ADAMTS2: variants seen among roughly 807,000 people sequenced by gnomAD.
The protein encoded by ADAMTS2 is A disintegrin and metalloproteinase with thrombospondin motifs 2.
A neutral mutation model predicts 123.0 loss-of-function variants in ADAMTS2; 50 were observed. The observed-to-expected ratio is 0.41, with a 90% confidence interval of 0.32 to 0.51. ADAMTS2 has a LOEUF of 0.51. Among genes scored for constraint, ADAMTS2 ranks in the 20% least tolerant of loss-of-function variants. The probability of loss-of-function intolerance (pLI) is 0.35; values close to 1 mark genes in which losing one functional copy is unlikely to be tolerated. For missense variants in ADAMTS2, 1,494 were observed against 1,705.2 expected (o/e 0.88, Z 2.18); for synonymous variants, 678 against 695.4 (o/e 0.98, Z 0.39).
chr5:179,302,244 G>A (rs965419828), intron 2 of ADAMTS2, among the ~76,000 whole-genome samples: 1 of 152,012 alleles, frequency 6.6e-6, no homozygotes. Context: ...GGCGGATCAT[G>A]AGGTCAGGAG....
intron 17 of ADAMTS2, 84 bp downstream of exon 17, chr5:179,127,875 C>T (rs1245253541): frequency 1.6e-5 from 26 of 1,583,426 alleles, no homozygotes; most frequent in South Asian, 1.2e-4. Flanking sequence ...CCCCTGCTCA[C>T]GCTGGCCCCA....
intron 5 of ADAMTS2, among the ~76,000 whole-genome samples, chr5:179,177,634 T>G (rs1290514264): frequency 6.6e-6 from 1 of 152,180 alleles, no homozygotes; most frequent in East Asian, 1.9e-4. Flanking sequence ...AATCCTCAAT[T>G]TCCCCAGGAT....
chr5:179,187,209 T>C (rs542483727), intron 4 of ADAMTS2, among the ~76,000 whole-genome samples: 1 of 152,198 alleles, frequency 6.6e-6, no homozygotes, highest in African/African-American at 2.4e-5. Context: ...AAAAAATATA[T>C]CTCAAAGGAA....
intron 2 of ADAMTS2, among the ~76,000 whole-genome samples, chr5:179,310,559 G>A (rs992668112): frequency 3.3e-5 from 5 of 152,128 alleles, no homozygotes; most frequent in Non-Finnish European, 5.9e-5. Flanking sequence ...CTAGAATCCC[G>A]GCTGGGGTGA....
In ADAMTS2 at chr5:179,312,543, C is replaced by T. The variant is rs10078515; in HGVS notation, c.534+31224G>A. Among the ~76,000 whole-genome samples the T allele has an allele frequency of 0.025, 3,815 of 152,234 alleles. 152 individuals carry two copies. Among genetic ancestry groups the T allele is most frequent in the African/African-American group, 0.088 (3,657 of 41,536 alleles). On this transcript the variant is annotated intron_variant, in intron 2 of 21. Transcript: ENST00000251582. This position sits in a 1 kb window ranked among gnomAD's most constrained non-coding sequence, Gnocchi z 4.2. ...AAGCTTCCGATGCTTTTAAGCCGCT[C>T]CGTTTATGGTATTTGGCTATAGCAG...
chr5:179,320,262 C>T (rs775307505), intron 2 of ADAMTS2, among the ~76,000 whole-genome samples: 16 of 152,242 alleles, frequency 1.1e-4, no homozygotes, highest in Non-Finnish European at 2.1e-4. Flanking sequence ...TGGCCCCAGC[C>T]ACTTCCTTGG....
At chr5:179,233,065 G>A (rs1403484206) in intron 3 of ADAMTS2, among the ~76,000 whole-genome samples, 1 of 152,194 alleles carries the variant, frequency 6.6e-6, no homozygotes, top group Non-Finnish European at 1.5e-5. Flanking sequence ...GTTAAAGGCT[G>A]CTGACAAATA....
intron 21 of ADAMTS2, among the ~76,000 whole-genome samples, chr5:179,119,315 C>A (rs1363541716): frequency 1.3e-5 from 2 of 152,236 alleles, no homozygotes; most frequent in Non-Finnish European, 2.9e-5. Flanking sequence ...AGGCTAGCCC[C>A]CGGGCCCGGC....
chr5:179,232,071 T>C (rs1765423132), intron 3 of ADAMTS2, among the ~76,000 whole-genome samples: 1 of 152,222 alleles, frequency 6.6e-6, no homozygotes, highest in Non-Finnish European at 1.5e-5. Flanking sequence ...CAATTTTACA[T>C]TATGAAATAG....
Position 179,189,531 on chromosome 5 carries a change from T to C in ADAMTS2, c.892-8376A>G, listed in dbSNP as rs1764254751. ...CCTGGTTTTTTTTTTTTTTTTTTTT[T>C]TTTTTTTAGTAGAGGCAGGGTTTCA... On this transcript the variant is annotated intron_variant, in intron 4 of 21. Transcript: ENST00000251582. The surrounding 1 kb of genome is among the most constrained non-coding windows in gnomAD (Gnocchi z 4.2). 7.0e-6 allele frequency among the ~76,000 whole-genome samples: 1 copy of C among 142,396 alleles called. No homozygotes were observed. Among genetic ancestry groups the C allele is most frequent in the Admixed American group, 7.0e-5 (1 of 14,318 alleles). 93.4% of individuals were successfully genotyped at this position (142,396 alleles called of 152,430 possible).
rs1757923913 is a variant in ADAMTS2, at chr5:179,345,367, G to T, written c.-39C>A. ...CAGCCGGGGCCCCGCACTCGCAGCCGGCGCGAAAGTTCCCCGCGAGCCGCC... is the reference window on the plus strand; with the variant it reads ...CAGCCGGGGCCCCGCACTCGCAGCCTGCGCGAAAGTTCCCCGCGAGCCGCC... On this transcript the variant is annotated 5_prime_UTR_variant, in exon 1 of 22. Coordinates refer to ENST00000251582, the MANE Select transcript of ADAMTS2 (RefSeq NM_014244.5). This position sits in a 1 kb window ranked among gnomAD's most constrained non-coding sequence, Gnocchi z 7.5. 1 of 1,122,074 alleles carries T rather than the reference G, an allele frequency of 8.9e-7. No individual in the cohort carries two copies. Among genetic ancestry groups the T allele is most frequent in the Non-Finnish European group, 1.1e-6 (1 of 917,566 alleles). The allele number at this position is 1,122,074 out of a possible 1,614,324, so 69.5% of individuals were successfully genotyped here. A position where few individuals can be genotyped will look rare whatever the true frequency, so the allele number is the denominator to read the frequency against.
chr5:179,237,819 C>A (rs75029825), intron 3 of ADAMTS2, among the ~76,000 whole-genome samples: 1 of 152,070 alleles, frequency 6.6e-6, no homozygotes, highest in Non-Finnish European at 1.5e-5. Flanking sequence ...CTGGATTCAC[C>A]AGGACACAAA....
At position 179,115,682 on chromosome 5, in the gene ADAMTS2, G is replaced by A. The variant is rs1350224323; in HGVS notation, c.3179-1358C>T. ...GAAAGGGAGGGAGGGACAAAAGGAA[G>A]AAAGGGAGGAGGAAAGGGAGGGAGA... On this transcript the variant is annotated intron_variant, in intron 21 of 21. Coordinates refer to ENST00000251582, the MANE Select transcript of ADAMTS2 (RefSeq NM_014244.5). This position sits in a 1 kb window ranked among gnomAD's most constrained non-coding sequence, Gnocchi z 4.4. Among the ~76,000 whole-genome samples, 1 of 152,084 alleles carries A rather than the reference G, an allele frequency of 6.6e-6. No individual in the cohort carries two copies. The highest frequency in any genetic ancestry group is 1.5e-5 in the Non-Finnish European group (1 of 68,008).
intron 2 of ADAMTS2, among the ~76,000 whole-genome samples, chr5:179,296,809 C>T (rs1441365014): frequency 6.6e-6 from 1 of 151,616 alleles, no homozygotes; most frequent in Non-Finnish European, 1.5e-5. Context: ...AGGTGCAGGC[C>T]GAAAAAAGGA....
chr5:179,154,656 G>C (rs752032247), intron 7 of ADAMTS2, among the ~76,000 whole-genome samples, 158 bp downstream of exon 7: 1 of 152,208 alleles, frequency 6.6e-6, no homozygotes, highest in Non-Finnish European at 1.5e-5. Flanking sequence ...AGTGGGCCTC[G>C]GGCCAGCACT....
intron 2 of ADAMTS2, among the ~76,000 whole-genome samples, chr5:179,324,732 T>C (rs1581276794): frequency 6.6e-6 from 1 of 152,344 alleles, no homozygotes; most frequent in Non-Finnish European, 1.5e-5. Flanking sequence ...TTGTATTTTG[T>C]AGTGTACACT....
At chr5:179,229,507 G>C (rs1000661184) in intron 3 of ADAMTS2, among the ~76,000 whole-genome samples, 1 of 151,588 alleles carries the variant, frequency 6.6e-6, no homozygotes, top group East Asian at 1.9e-4. Flanking sequence ...CATTCCCGAC[G>C]GAGAGGTAAT....
At chr5:179,167,486 C>G (rs1378933526) in intron 5 of ADAMTS2, among the ~76,000 whole-genome samples, 2 of 152,196 alleles carry the variant, frequency 1.3e-5, no homozygotes, top group Non-Finnish European at 2.9e-5. Context: ...CTGGAAGGAG[C>G]TGAATTATCT....
rs1211155923 is a variant in ADAMTS2 at position 179,170,975 on chromosome 5, A to C, written c.975+10097T>G. On this transcript the variant is annotated intron_variant, in intron 5 of 21. Coordinates refer to ENST00000251582, the MANE Select transcript of ADAMTS2 (RefSeq NM_014244.5). This position sits in a 1 kb window ranked among gnomAD's most constrained non-coding sequence, Gnocchi z 4.3. ...AGTGAAGTCTGTGCCTGGTGGACAC[A>C]AACTGTTCCAGTCCACAGTGAGATA... Among the ~76,000 whole-genome samples, 1 of 152,220 alleles carries C rather than the reference A, an allele frequency of 6.6e-6. No individual in the cohort carries two copies. Among genetic ancestry groups the C allele is most frequent in the Non-Finnish European group, 1.5e-5 (1 of 68,034 alleles).
Sources: allele counts gnomAD v4.1 joint callset (sites outside exome capture counted in the v4.1 genomes callset), GRCh38; gene constraint gnomAD v4.1.1; non-coding constraint Gnocchi (gnomAD v3.1); transcripts MANE v1.5; gene names NCBI Gene and HGNC (gene_info 2026-07-23, HGNC 2026-07-21).